SPON1: variants seen among roughly 807,000 people sequenced by gnomAD.
The protein encoded by SPON1 is spondin-1.
SPON1 carries 52 observed loss-of-function variants against 111.7 expected under a neutral mutation model. The observed-to-expected ratio is 0.47, with a 90% confidence interval of 0.37 to 0.59. The LOEUF is 0.59. SPON1 is among the 20% of genes least tolerant of loss of function. The pLI is 0.00. For synonymous variants in SPON1, 410 were observed against 395.8 expected, an observed-to-expected ratio of 1.04 and a Z score of -0.43; for missense variants, 957 against 1,068.5, an observed-to-expected ratio of 0.90 and a Z score of 1.46.
intron 6 of SPON1, among the ~76,000 whole-genome samples, chr11:14,170,554 G>A (rs1397461660): frequency 6.6e-6 from 1 of 151,910 alleles, no homozygotes; most frequent in Admixed American, 6.6e-5. Context: ...TGGTGAGATA[G>A]GGCATCCCTG....
At chr11:14,144,245 G>A (rs1847692882) in intron 6 of SPON1, among the ~76,000 whole-genome samples, 1 of 152,040 alleles carries the variant, frequency 6.6e-6, no homozygotes, top group South Asian at 2.1e-4. Flanking sequence ...GGTTTTACTG[G>A]GTGGGAATAC....
chr11:14,025,682 G>T (rs782441218), intron 2 of SPON1, among the ~76,000 whole-genome samples: 5 of 152,208 alleles, frequency 3.3e-5, no homozygotes, highest in African/African-American at 4.8e-5. Context: ...GCAGGTGGAG[G>T]GTGCAGCCTA....
intron 6 of SPON1, among the ~76,000 whole-genome samples, chr11:14,201,762 G>C (rs1435788939): frequency 6.6e-6 from 1 of 152,142 alleles, no homozygotes; most frequent in African/African-American, 2.4e-5. Context: ...TTTAATGTAT[G>C]ATGATGATTA....
intron 1 of SPON1, among the ~76,000 whole-genome samples, chr11:13,965,015 T>C (rs1347295382): frequency 6.6e-6 from 1 of 152,090 alleles, no homozygotes; most frequent in African/African-American, 2.4e-5. Flanking sequence ...CCACCCTCTC[T>C]TGGTGGTAGG....
intron 5 of SPON1, among the ~76,000 whole-genome samples, chr11:14,128,085 C>T (rs1591382949): frequency 6.6e-6 from 1 of 152,134 alleles, no homozygotes; most frequent in Non-Finnish European, 1.5e-5. Flanking sequence ...AGAGCCAAAC[C>T]ATATCATTCT....
At chr11:14,164,687 A>G (rs941732048) in intron 6 of SPON1, among the ~76,000 whole-genome samples, 1 of 152,224 alleles carries the variant, frequency 6.6e-6, no homozygotes, top group Non-Finnish European at 1.5e-5. Flanking sequence ...AGAGTAATTT[A>G]TGCAGAGTTG....
At chr11:14,069,161 G>A (rs1554920622) in intron 3 of SPON1, among the ~76,000 whole-genome samples, 2 of 151,938 alleles carry the variant, frequency 1.3e-5, no homozygotes, top group Non-Finnish European at 2.9e-5. Flanking sequence ...CTAGTCATTG[G>A]TGTTCGTACC....
At chr11:14,199,258 A>C (rs1412070459) in intron 6 of SPON1, among the ~76,000 whole-genome samples, 1 of 152,174 alleles carries the variant, frequency 6.6e-6, no homozygotes, top group Admixed American at 6.5e-5. Flanking sequence ...TTTTGAGGGA[A>C]GTAACCATAT....
chr11:14,211,677 T>A (rs1848578400), intron 6 of SPON1, among the ~76,000 whole-genome samples: 1 of 152,218 alleles, frequency 6.6e-6, no homozygotes, highest in Non-Finnish European at 1.5e-5. Flanking sequence ...ACTGCTTGTG[T>A]ATAATAATGT....
chr11:14,139,120 T>G (rs1847623040), intron 6 of SPON1, among the ~76,000 whole-genome samples: 1 of 152,228 alleles, frequency 6.6e-6, no homozygotes, highest in African/African-American at 2.4e-5. Flanking sequence ...GAATACCCTT[T>G]ATGTCCTGCC....
At chr11:14,034,973 A>G (rs1848583573) in intron 2 of SPON1, among the ~76,000 whole-genome samples, 1 of 152,242 alleles carries the variant, frequency 6.6e-6, no homozygotes, top group Non-Finnish European at 1.5e-5. Flanking sequence ...CACTGGACTC[A>G]CTATTCTGCA....
At chr11:14,263,550 C>A (rs1355276467) in intron 15 of SPON1, among the ~76,000 whole-genome samples, 1 of 152,050 alleles carries the variant, frequency 6.6e-6, no homozygotes, top group Non-Finnish European at 1.5e-5. Flanking sequence ...GTCATGTCAG[C>A]CTTGAGTTTT....
At chr11:14,185,398 C>G (rs1035301221) in intron 6 of SPON1, among the ~76,000 whole-genome samples, 9 of 152,150 alleles carry the variant, frequency 5.9e-5, no homozygotes, top group African/African-American at 1.7e-4. Context: ...ATGTGCCCCC[C>G]GCTCCTTTCT....
chr11:14,158,784 G>T (rs941859272), intron 6 of SPON1, among the ~76,000 whole-genome samples: 1 of 152,020 alleles, frequency 6.6e-6, no homozygotes, highest in Non-Finnish European at 1.5e-5. Flanking sequence ...ATATAAGCTC[G>T]CTTATCAGTG....
At position 14,007,877 on chromosome 11, in the gene SPON1, C is replaced by T. The variant is rs183675284; in HGVS notation, c.345+24924C>T. Among the ~76,000 whole-genome samples, 279 of 152,278 alleles carry T rather than the reference C, an allele frequency of 1.8e-3. 2 individuals carry two copies. The highest frequency in any genetic ancestry group is 6.3e-3 in the African/African-American group (261 of 41,556). On this transcript the variant is annotated intron_variant, in intron 2 of 15. Transcript: ENST00000576479. ...ACTCTACTCTCTGCCTCCATCCTCA[C>T]GTGGCCTTCTCCTTGTCTCTGTCTC...
At chr11:14,023,703 C>T (rs187422657) in intron 2 of SPON1, among the ~76,000 whole-genome samples, 1 of 152,162 alleles carries the variant, frequency 6.6e-6, no homozygotes, top group East Asian at 1.9e-4. Flanking sequence ...GAGGGAAGAG[C>T]AGTATGGAAA....
chr11:14,202,351 G>C (rs1054762639), intron 6 of SPON1, among the ~76,000 whole-genome samples: 3 of 152,162 alleles, frequency 2.0e-5, no homozygotes, highest in Non-Finnish European at 4.4e-5. Flanking sequence ...CTGTGCCTTG[G>C]TGGAGTTTTT....
chr11:14,114,938 G>A (rs183783013), intron 5 of SPON1, among the ~76,000 whole-genome samples: 2 of 152,268 alleles, frequency 1.3e-5, no homozygotes, highest in Admixed American at 1.3e-4. Flanking sequence ...TCTTTACCAA[G>A]CTGCCTCCCT....
At chr11:14,062,799 C>T (rs568001201) in intron 3 of SPON1, among the ~76,000 whole-genome samples, 1 of 152,252 alleles carries the variant, frequency 6.6e-6, no homozygotes, top group East Asian at 1.9e-4. Context: ...GGGAAATGTA[C>T]ATCTTAATCT....
Sources: allele counts gnomAD v4.1 joint callset (sites outside exome capture counted in the v4.1 genomes callset), GRCh38; gene constraint gnomAD v4.1.1; transcripts MANE v1.5; gene names NCBI Gene and HGNC (gene_info 2026-07-23, HGNC 2026-07-21).